The following USH2A variants were observed in gnomAD, a reference collection of about 807,000 sequenced individuals.
USH2A encodes the protein usherin, also known as Usher syndrome 2A (autosomal recessive, mild).
In USH2A, 443 loss-of-function variants were observed where a neutral mutation model predicts 538.9. The ratio of observed to expected loss-of-function variants is 0.82; its 90% CI spans 0.76 to 0.89. The LOEUF is 0.89. Among genes scored for constraint, USH2A ranks in the 40% least tolerant of loss-of-function variants. The probability of loss-of-function intolerance (pLI) is 0.00; values close to 1 mark genes in which losing one functional copy is unlikely to be tolerated. For synonymous variants in USH2A, 2,413 were observed against 2,273.5 expected (o/e 1.06, Z -1.75); for missense variants, 6,633 against 6,324.8 (o/e 1.05, Z -1.65).
At chr1:216,312,474 AT>A (rs1041192257) in intron 9 of USH2A, among the ~76,000 whole-genome samples, 1 of 151,694 alleles carries the variant, frequency 6.6e-6, no homozygotes, top group African/African-American at 2.4e-5. Flanking sequence ...ATTCTGCTCT[AT>A]TTGTTCAGTC....
intron 32 of USH2A, among the ~76,000 whole-genome samples, chr1:216,031,006 C>T (rs1223815792): frequency 1.3e-5 from 2 of 151,588 alleles, no homozygotes; most frequent in Admixed American, 1.3e-4. Flanking sequence ...TCTTGTATAT[C>T]CAACACAACT....
chr1:216,255,756 G>A (rs931852817), intron 11 of USH2A, among the ~76,000 whole-genome samples: 1 of 152,122 alleles, frequency 6.6e-6, no homozygotes, highest in Non-Finnish European at 1.5e-5. Context: ...TTGGTTGACA[G>A]TGTTGTTCTA....
At chr1:216,393,139 A>G (rs1434710855) in intron 3 of USH2A, among the ~76,000 whole-genome samples, 1 of 152,196 alleles carries the variant, frequency 6.6e-6, no homozygotes, top group Non-Finnish European at 1.5e-5. Flanking sequence ...TTTCACATGT[A>G]TTATCAGAAG....
At chr1:215,771,773 C>G (rs1410163906) in intron 55 of USH2A, among the ~76,000 whole-genome samples, 1 of 151,868 alleles carries the variant, frequency 6.6e-6, no homozygotes. Context: ...AAGTACTAGA[C>G]TACAAGGAAG....
intron 4 of USH2A, among the ~76,000 whole-genome samples, chr1:216,363,028 T>G (rs2038526471): frequency 1.3e-5 from 2 of 151,896 alleles, no homozygotes; most frequent in African/African-American, 4.8e-5. Context: ...ATATGTTATC[T>G]TCTTAAACTA....
intron 37 of USH2A, among the ~76,000 whole-genome samples, chr1:215,948,441 TATACAC>T (rs1666812819): frequency 6.8e-6 from 1 of 147,716 alleles, no homozygotes; most frequent in African/African-American, 2.5e-5. Context: ...TATATATATA[TATACAC>T]ACACACACAC....
chr1:215,630,042 T>G lies in USH2A; in HGVS notation c.15298-1007A>C, dbSNP rs572378838. ...CGCCCGCCTCGGCCTCCCATTTCTT[T>G]TCTTTTTTCAGTAGAGTTTTCACTC... On this transcript the variant is annotated intron_variant, in intron 70 of 71. Transcript: ENST00000307340. 4.0e-6 allele frequency: 2 copies of G among 502,042 alleles called. 1 individual carries two copies. The highest frequency in any genetic ancestry group is 2.9e-5 in the South Asian group (2 of 68,170). 31.1% of individuals were successfully genotyped at this position (502,042 alleles called of 1,614,324 possible).
chr1:216,120,484 A>G, intron 21 of USH2A, among the ~76,000 whole-genome samples: 1 of 151,650 alleles, frequency 6.6e-6, no homozygotes, highest in Non-Finnish European at 1.5e-5. Context: ...GGTTCACGCC[A>G]TTCTCCTGCC....
chr1:215,744,258 A>G (rs1168629444), intron 58 of USH2A, among the ~76,000 whole-genome samples: 3 of 152,230 alleles, frequency 2.0e-5, no homozygotes, highest in African/African-American at 4.8e-5. Context: ...AGTGAGACTT[A>G]TGGCCCTAAA....
At chr1:215,676,637 G>T (rs1212477407) in intron 62 of USH2A, among the ~76,000 whole-genome samples, 11 of 152,116 alleles carry the variant, frequency 7.2e-5, no homozygotes. Context: ...TAGAAGTTTG[G>T]AAACCTCTTT....
intron 9 of USH2A, among the ~76,000 whole-genome samples, chr1:216,293,326 T>A (rs773129): frequency 0.93 from 142,276 of 152,258 alleles, 66,793 homozygotes; most frequent in East Asian, 1. Context: ...ACCCGGCCAC[T>A]TCTTTTCTAT....
intron 9 of USH2A, among the ~76,000 whole-genome samples, chr1:216,302,339 G>T (rs1246446363): frequency 6.6e-6 from 1 of 152,104 alleles, no homozygotes. Context: ...AACATTAAAG[G>T]TTTAAAGGCA....
intron 20 of USH2A, among the ~76,000 whole-genome samples, chr1:216,178,345 T>C (rs1431174436): frequency 6.6e-6 from 1 of 152,176 alleles, no homozygotes; most frequent in Non-Finnish European, 1.5e-5. Flanking sequence ...AATGGTAGGT[T>C]CTCAAAGATT....
rs2039696475 is a variant in USH2A, at chr1:216,422,483, G to C, written c.-147C>G. The C allele has an allele frequency of 8.4e-7, 1 of 1,188,090 alleles. No individual in the cohort carries two copies. The highest frequency in any genetic ancestry group is 2.1e-5 in the Admixed American group (1 of 46,794). The allele number at this position is 1,188,090 out of a possible 1,614,324, so 73.6% of individuals were successfully genotyped here. A position where few individuals can be genotyped will look rare whatever the true frequency, so the allele number is the denominator to read the frequency against. On this transcript the variant is annotated 5_prime_UTR_variant, in exon 2 of 72. The change creates a premature stop within an existing upstream ORF in the 5' untranslated region. Coordinates refer to ENST00000307340, the MANE Select transcript of USH2A (RefSeq NM_206933.4). Reference sequence around the variant, plus strand: ...TGGAAACTGCAGACACGTTCTCAGAGTAAGGTAATACCAACGACGTTCTTA... The same window carrying C: ...TGGAAACTGCAGACACGTTCTCAGACTAAGGTAATACCAACGACGTTCTTA...
At position 216,423,408 on chromosome 1, in the gene USH2A, G is replaced by A. The variant is rs964665851; in HGVS notation, c.-399C>T. On this transcript the variant is annotated 5_prime_UTR_variant, in exon 1 of 72. Coordinates refer to ENST00000307340, the MANE Select transcript of USH2A (RefSeq NM_206933.4). ...CTGCAGAGCAAACACTTGGTTACCTGAAGCTCAGAGCGTGGTCTGCTTGGT... is the reference window on the plus strand; with the variant it reads ...CTGCAGAGCAAACACTTGGTTACCTAAAGCTCAGAGCGTGGTCTGCTTGGT... The A allele has an allele frequency of 2.6e-5, 4 of 152,178 alleles. No homozygotes were observed. Among genetic ancestry groups the A allele is most frequent in the African/African-American group, 9.6e-5 (4 of 41,460 alleles). 9.4% of individuals were successfully genotyped at this position (152,178 alleles called of 1,614,324 possible).
chr1:216,011,764 C>T (rs1668579188), intron 32 of USH2A, among the ~76,000 whole-genome samples: 1 of 152,000 alleles, frequency 6.6e-6, no homozygotes, highest in South Asian at 2.1e-4. Context: ...GACGCATATA[C>T]TTTCTGCTCC....
At chr1:215,730,652 T>C (rs1659968755) in intron 60 of USH2A, among the ~76,000 whole-genome samples, 1 of 152,198 alleles carries the variant, frequency 6.6e-6, no homozygotes, top group Non-Finnish European at 1.5e-5. Flanking sequence ...AGGCAGAATA[T>C]GTAAAATCTT....
intron 21 of USH2A, among the ~76,000 whole-genome samples, chr1:216,152,258 G>GTA (rs1262386936): frequency 6.6e-6 from 1 of 152,172 alleles, no homozygotes; most frequent in Non-Finnish European, 1.5e-5. Context: ...TGACCTGCAC[G>GTA]TATACGCCCA....
Position 215,987,769 on chromosome 1 carries a change from C to T in USH2A, c.6805+5251G>A, listed in dbSNP as rs186812843. 3.3e-5 allele frequency among the ~76,000 whole-genome samples: 5 copies of T among 152,248 alleles called. No homozygotes were observed. In the East Asian group the frequency reaches 9.6e-4, roughly 29 times the overall value. On this transcript the variant is annotated intron_variant, in intron 35 of 71. Transcript: ENST00000307340. ...TAGTTTCATTCAGTGGGATTGCATA[C>T]TGCCTTTTGAAAGAATGAGGTCACG...
Sources: allele counts gnomAD v4.1 joint callset (sites outside exome capture counted in the v4.1 genomes callset), GRCh38; gene constraint gnomAD v4.1.1; transcripts MANE v1.5; gene names NCBI Gene and HGNC (gene_info 2026-07-23, HGNC 2026-07-21).